Variants in PARD3 observed in about 807,000 individuals in gnomAD.
The protein encoded by PARD3 is partitioning defective 3 homolog.
Under a neutral mutation model 155.4 loss-of-function variants are expected in PARD3, and 75 were observed. The ratio of observed to expected loss-of-function variants is 0.48; its 90% CI spans 0.40 to 0.58. The LOEUF (loss-of-function observed/expected upper bound fraction) is 0.58. Among genes scored for constraint, PARD3 ranks in the 20% least tolerant of loss-of-function variants. PARD3 has a pLI of 0.00. For missense variants in PARD3, 1,642 were observed against 1,721.7 expected, an observed-to-expected ratio of 0.95 and a Z score of 0.82; for synonymous variants, 576 against 610.5, an observed-to-expected ratio of 0.94 and a Z score of 0.83.
At chr10:34,404,778 C>T (rs901991250) in intron 5 of PARD3, among the ~76,000 whole-genome samples, 5 of 151,974 alleles carry the variant, frequency 3.3e-5, no homozygotes, top group African/African-American at 4.8e-5. Flanking sequence ...TTCTATAAAA[C>T]GTGAACAATA....
At position 34,613,360 on chromosome 10, in the gene PARD3, A is replaced by G. The variant is rs2091041385; in HGVS notation, c.222+82958T>C. On this transcript the variant is annotated intron_variant, in intron 2 of 24. Coordinates refer to ENST00000374788, the MANE Select transcript of PARD3 (RefSeq NM_001184785.2). ...TTGCTAGTGAATTACAAAGATATAT[A>G]AAAAGAAAGCAGCCCCAAAACACTT... Among the ~76,000 whole-genome samples the G allele has an allele frequency of 3.3e-5, 5 of 152,328 alleles. No homozygotes were observed. In the South Asian group the frequency reaches 1.0e-3, roughly 32 times the overall value.
At chr10:34,231,148 A>ACATG in intron 22 of PARD3, among the ~76,000 whole-genome samples, 1 of 151,756 alleles carries the variant, frequency 6.6e-6, no homozygotes, top group Non-Finnish European at 1.5e-5. Context: ...ACATATATAT[A>ACATG]CATGTTCAAC....
intron 2 of PARD3, among the ~76,000 whole-genome samples, chr10:34,531,251 C>T (rs570833550): frequency 1.6e-4 from 24 of 152,064 alleles, no homozygotes; most frequent in African/African-American, 5.8e-4. Flanking sequence ...GCATTAAAAC[C>T]GTGTTTAGGC....
intron 3 of PARD3, among the ~76,000 whole-genome samples, chr10:34,473,465 T>A (rs73261483): frequency 6.6e-6 from 1 of 151,794 alleles, no homozygotes; most frequent in Non-Finnish European, 1.5e-5. Flanking sequence ...AGTGGGAGAA[T>A]TGCTTGAGGT....
intron 7 of PARD3, among the ~76,000 whole-genome samples, chr10:34,393,529 C>G (rs983388054): frequency 1.3e-5 from 2 of 151,454 alleles, no homozygotes; most frequent in African/African-American, 2.4e-5. Context: ...TGCAGTGAGC[C>G]ACTACTCTCC....
rs376517993 is a variant in PARD3, at chr10:34,229,338, C to T, written c.3419+40319G>A. Among the ~76,000 whole-genome samples the T allele has an allele frequency of 5.5e-4, 83 of 152,198 alleles. No homozygotes were observed. In the South Asian group the frequency reaches 0.016, roughly 30 times the overall value. ...GGCTCAAGCAATTCTCCCACCTTGG[C>T]CTCCTGAGTAAGCTGGGACTACAGG... On this transcript the variant is annotated intron_variant, in intron 22 of 24. Coordinates refer to ENST00000374788, the MANE Select transcript of PARD3 (RefSeq NM_001184785.2).
intron 5 of PARD3, among the ~76,000 whole-genome samples, chr10:34,418,996 G>A (rs1011101384): frequency 2.6e-5 from 4 of 151,932 alleles, no homozygotes; most frequent in South Asian, 2.1e-4. Flanking sequence ...GGCAGGTCTC[G>A]AACTCCTGGG....
At chr10:34,790,415 C>A (rs1279062954) in intron 1 of PARD3, among the ~76,000 whole-genome samples, 2 of 152,202 alleles carry the variant, frequency 1.3e-5, no homozygotes, top group Non-Finnish European at 2.9e-5. Context: ...AGCAGAGTAA[C>A]TGAAAGTGAC....
chr10:34,751,740 A>C (rs1467213203), intron 1 of PARD3, among the ~76,000 whole-genome samples: 2 of 148,532 alleles, frequency 1.3e-5, no homozygotes, highest in Non-Finnish European at 3.0e-5. Flanking sequence ...AGTAGCTGGG[A>C]CCACATGTGT....
intron 2 of PARD3, among the ~76,000 whole-genome samples, chr10:34,529,312 G>A (rs1290081802): frequency 6.6e-6 from 1 of 152,094 alleles, no homozygotes; most frequent in Non-Finnish European, 1.5e-5. Context: ...CACTTTCAAA[G>A]GATTTTGAGA....
At chr10:34,802,996 C>G (rs1050005414) in intron 1 of PARD3, among the ~76,000 whole-genome samples, 2 of 145,894 alleles carry the variant, frequency 1.4e-5, no homozygotes, top group African/African-American at 5.1e-5. Context: ...GAAGCCAAGG[C>G]GGGTGGATCA....
At chr10:34,479,318 C>G (rs1318355849) in intron 3 of PARD3, among the ~76,000 whole-genome samples, 1 of 151,854 alleles carries the variant, frequency 6.6e-6, no homozygotes, top group Admixed American at 6.6e-5. Flanking sequence ...CCTGCCACCA[C>G]GCCCGGCTAA....
rs1293559086 is a variant in PARD3 at position 34,455,480 on chromosome 10, T to C, written c.583-5032A>G. Among the ~76,000 whole-genome samples, 4 of 152,062 alleles carry C rather than the reference T, an allele frequency of 2.6e-5. No individual in the cohort carries two copies. In the East Asian group the frequency reaches 7.7e-4, roughly 29 times the overall value. On this transcript the variant is annotated intron_variant, in intron 4 of 24. Coordinates refer to ENST00000374788, the MANE Select transcript of PARD3 (RefSeq NM_001184785.2). ...CTGAAATTAGGAGACTGAAGTAAAA[T>C]TAATAATGATGGCTTAGAATGATTT... is the stretch of plus-strand genomic sequence containing the variant.
At chr10:34,283,650 A>C (rs1212922532) in intron 21 of PARD3, among the ~76,000 whole-genome samples, 1 of 152,182 alleles carries the variant, frequency 6.6e-6, no homozygotes, top group African/African-American at 2.4e-5. Flanking sequence ...AGAATCAAGA[A>C]ATAAGTGTCA....
chr10:34,588,987 C>T (rs934675583), intron 2 of PARD3, among the ~76,000 whole-genome samples: 1 of 152,122 alleles, frequency 6.6e-6, no homozygotes, highest in Non-Finnish European at 1.5e-5. Context: ...AATCCCAGTA[C>T]TTTGGGAGGC....
At chr10:34,664,513 G>T (rs879805554) in intron 2 of PARD3, among the ~76,000 whole-genome samples, 4 of 151,022 alleles carry the variant, frequency 2.6e-5, no homozygotes, top group African/African-American at 9.7e-5. Context: ...TTTTGAGAAG[G>T]TGTCTCCCTG....
intron 1 of PARD3, among the ~76,000 whole-genome samples, chr10:34,802,839 G>C (rs528622749): frequency 2.7e-4 from 41 of 152,106 alleles, no homozygotes; most frequent in South Asian, 1.5e-3. Context: ...GGACAGTACG[G>C]CTAACATGTA....
chr10:34,144,215 ATAC>A (rs903726915), intron 22 of PARD3, among the ~76,000 whole-genome samples: 22 of 152,182 alleles, frequency 1.4e-4, no homozygotes, highest in African/African-American at 4.8e-4. Context: ...TTTCAAAGTA[ATAC>A]TACATGTGCA....
chr10:34,288,951 T>C (rs986184947), intron 20 of PARD3, among the ~76,000 whole-genome samples: 2 of 152,180 alleles, frequency 1.3e-5, no homozygotes, highest in African/African-American at 2.4e-5. Context: ...TTAAGTCATA[T>C]TAAAATAGAA....
Sources: gnomAD v4.1 joint callset for allele counts (sites outside exome capture counted in the v4.1 genomes callset) on GRCh38, gnomAD v4.1.1 for gene constraint, MANE v1.5 for transcripts, NCBI Gene and HGNC (gene_info 2026-07-23, HGNC 2026-07-21) for gene names.